Variants in ECM2 observed in about 807,000 individuals in gnomAD.
The protein encoded by ECM2 is extracellular matrix protein 2, female organ and adipocyte specific.
In ECM2, 57 loss-of-function variants were observed where a neutral mutation model predicts 67.5. The observed-to-expected ratio is 0.84, with a 90% CI of 0.68 to 1.05. The LOEUF (loss-of-function observed/expected upper bound fraction) is 1.05, where lower values mean the gene tolerates loss of function less well. Among genes scored for constraint, ECM2 ranks in the 50% least tolerant of loss-of-function variants. ECM2 has a pLI of 0.00. For missense variants in ECM2, 741 were observed against 822.8 expected, an observed-to-expected ratio of 0.90 and a Z score of 1.22; for synonymous variants, 258 against 294.5, an observed-to-expected ratio of 0.88 and a Z score of 1.27.
upstream of ECM2, among the ~76,000 whole-genome samples, chr9:92,541,127 C>T (rs747358323): frequency 3.9e-5 from 6 of 151,946 alleles, no homozygotes; most frequent in South Asian, 2.1e-4. Flanking sequence ...GGTGCGGTGG[C>T]GGGTGCCTAT....
At chr9:92,556,534 T>G in the ECM2 span, among the ~76,000 whole-genome samples, 8 of 152,328 alleles carry the variant, frequency 5.3e-5, no homozygotes, top group East Asian at 1.5e-3. Context: ...TGCAAATATG[T>G]TTAGAATTGT....
the ECM2 span, among the ~76,000 whole-genome samples, chr9:92,551,952 T>A: frequency 8.8e-6 from 1 of 113,858 alleles, no homozygotes; most frequent in Non-Finnish European, 1.8e-5. Flanking sequence ...TATATATATA[T>A]GATATATATA....
chr9:92,514,740 G>A lies in ECM2; in HGVS notation c.945C>T (p.Arg315=). Residue 315 remains arginine (R), a synonymous_variant, in exon 4 of 10, where the codon CGC becomes CGT. Coordinates refer to ENST00000344604, the MANE Select transcript of ECM2 (RefSeq NM_001393.4). The part of the protein sequence containing the change: ...PLPAPPRGTL[R]LPSGCSLSYR... ...AGGACAGAGAGCACCCGCTTGGCAG[G>A]CGCAGTGTGCCTCTGGGAGGAGCAG... 1.2e-6 allele frequency: 2 copies of A among 1,614,158 alleles called. No individual in the cohort carries two copies. Among genetic ancestry groups the A allele is most frequent in the Non-Finnish European group, 8.5e-7 (1 of 1,180,010 alleles).
chr9:92,545,008 G>A, the ECM2 span, among the ~76,000 whole-genome samples: 1 of 152,204 alleles, frequency 6.6e-6, no homozygotes, highest in Non-Finnish European at 1.5e-5. Context: ...ACCGGTGTGA[G>A]CAACCACGCC....
intron 3 of ECM2, among the ~76,000 whole-genome samples, chr9:92,516,216 C>A (rs1270262211): frequency 6.6e-6 from 1 of 151,898 alleles, no homozygotes; most frequent in Non-Finnish European, 1.5e-5. Context: ...GGCACCCCAC[C>A]ACCATGCCAG....
chr9:92,494,282 T>C (rs1846254941), downstream of ECM2: 2 of 722,876 alleles, frequency 2.8e-6, no homozygotes, highest in Non-Finnish European at 4.3e-6. Flanking sequence ...TGTTTACAGC[T>C]TAGATTGCCT....
At chr9:92,550,462 T>A in the ECM2 span, among the ~76,000 whole-genome samples, 1 of 152,000 alleles carries the variant, frequency 6.6e-6, no homozygotes, top group Non-Finnish European at 1.5e-5. Flanking sequence ...AATAATCTAA[T>A]GAAATAGTTC....
chr9:92,554,678 C>T, the ECM2 span, among the ~76,000 whole-genome samples: 1 of 152,104 alleles, frequency 6.6e-6, no homozygotes, highest in South Asian at 2.1e-4. Flanking sequence ...TGATCTGTCA[C>T]CCAGGCTGGA....
intron 2 of ECM2, among the ~76,000 whole-genome samples, chr9:92,520,159 T>C (rs904362663): frequency 1.3e-5 from 2 of 151,258 alleles, no homozygotes; most frequent in Non-Finnish European, 2.9e-5. Flanking sequence ...TGGTGCATTC[T>C]TGTAGTCCCA....
chr9:92,525,045 C>T (rs1268128215), intron 1 of ECM2, among the ~76,000 whole-genome samples: 3 of 152,210 alleles, frequency 2.0e-5, no homozygotes, highest in South Asian at 2.1e-4. Context: ...GGCACTGTGG[C>T]TCATGCCTGT....
At chr9:92,550,678 G>T in the ECM2 span, among the ~76,000 whole-genome samples, 21 of 152,164 alleles carry the variant, frequency 1.4e-4, no homozygotes, top group East Asian at 4.0e-3. Flanking sequence ...TACAAATGAA[G>T]TTTCACATAT....
chr9:92,537,287 A>G (rs1017119970), upstream of ECM2, among the ~76,000 whole-genome samples: 1 of 152,188 alleles, frequency 6.6e-6, no homozygotes, highest in African/African-American at 2.4e-5. Flanking sequence ...AATGACCTAG[A>G]TAGACTGAAT....
At chr9:92,538,084 T>C (rs1849232911), upstream of ECM2, among the ~76,000 whole-genome samples, 1 of 152,152 alleles carries the variant, frequency 6.6e-6, no homozygotes, top group South Asian at 2.1e-4. Flanking sequence ...ATTTCACCTC[T>C]AGGAACCCAT....
In ECM2 at chr9:92,515,181, A is replaced by G; in HGVS notation, c.504T>C (p.Gly168=). ...SATVSYSLLS[G]IALNDRNEFS... ...ATTCATTTCTATCATTTAATGCTAT[A>G]CCACTGAGTAGAGAATAGGAGACTA... Residue 168 remains glycine, a synonymous_variant, in exon 4 of 10, where the codon GGT becomes GGC. Transcript: ENST00000344604. 1.3e-6 allele frequency: 2 copies of G among 1,596,986 alleles called. No homozygotes were observed. The highest frequency in any genetic ancestry group is 1.1e-5 in the South Asian group (1 of 87,126).
chr9:92,521,263 A>T (rs1353250162), intron 2 of ECM2, among the ~76,000 whole-genome samples: 1 of 152,218 alleles, frequency 6.6e-6, no homozygotes, highest in Non-Finnish European at 1.5e-5. Flanking sequence ...AGATCACATT[A>T]TGAATACTTC....
At chr9:92,530,171 C>T (rs1439911584) in intron 1 of ECM2, among the ~76,000 whole-genome samples, 1 of 152,058 alleles carries the variant, frequency 6.6e-6, no homozygotes, top group Non-Finnish European at 1.5e-5. Context: ...GAACCAGTCC[C>T]CCAAGGGTAC....
At chr9:92,558,689 G>A in the ECM2 span, among the ~76,000 whole-genome samples, 1 of 152,118 alleles carries the variant, frequency 6.6e-6, no homozygotes, top group African/African-American at 2.4e-5. Flanking sequence ...AGTAGGCGGG[G>A]TCCTAGAATT....
the ECM2 span, among the ~76,000 whole-genome samples, chr9:92,555,536 T>G: frequency 6.6e-6 from 1 of 152,110 alleles, no homozygotes. Context: ...GCCAGTAATT[T>G]TTTAATTACT....
chr9:92,495,768 G>C lies in ECM2; in HGVS notation c.*547C>G. 1.1e-6 allele frequency: 1 copy of C among 942,930 alleles called. No individual in the cohort carries two copies. Among genetic ancestry groups the C allele is most frequent in the Non-Finnish European group, 1.3e-6 (1 of 791,440 alleles). The allele number at this position is 942,930 out of a possible 1,614,324, so 58.4% of individuals were successfully genotyped here. On this transcript the variant is annotated 3_prime_UTR_variant, in exon 10 of 10. Transcript: ENST00000344604. ...ACAGTAGTGTTTTAATTTTACACAT[G>C]TAATTAATGGAAGAAATGAAAGCTA... is the stretch of plus-strand genomic sequence containing the variant.
Sources: allele counts gnomAD v4.1 joint callset (sites outside exome capture counted in the v4.1 genomes callset), GRCh38; gene constraint gnomAD v4.1.1; transcripts MANE v1.5; gene names NCBI Gene and HGNC (gene_info 2026-07-23, HGNC 2026-07-21).